Variants in PRR3 observed in about 807,000 individuals in gnomAD.
The protein encoded by PRR3 is proline-rich protein 3.
PRR3 carries 16 observed loss-of-function variants against 22.4 expected under a neutral mutation model. That is an observed-to-expected ratio of 0.71 (90% CI 0.48 to 1.09). PRR3 has a LOEUF of 1.09. Among genes scored for constraint, PRR3 ranks in the 50% least tolerant of loss-of-function variants. The pLI, the probability that PRR3 is intolerant of heterozygous loss-of-function variation, is 0.00. For missense variants in PRR3, 224 were observed against 243.4 expected (o/e 0.92, Z 0.53); for synonymous variants, 87 against 88.6 (o/e 0.98, Z 0.10).
intron 2 of PRR3, chr6:30,558,531 T>C: frequency 2.8e-6 from 1 of 352,438 alleles, no homozygotes; most frequent in South Asian, 3.9e-5. Context: ...ACTATGAATA[T>C]CAAGATTTGT....
At chr6:30,558,038 C>T (rs1800374770) in intron 1 of PRR3, 112 bp from the exon 2 acceptor site, 2 of 911,260 alleles carry the variant, frequency 2.2e-6, no homozygotes. Flanking sequence ...TGAAAATATA[C>T]CTGACTTTAC....
chr6:30,562,647 C>G lies in PRR3; in HGVS notation c.*152C>G. On this transcript the variant is annotated 3_prime_UTR_variant, in exon 4 of 4. Coordinates refer to ENST00000376560, the MANE Select transcript of PRR3 (RefSeq NM_025263.4). ...ATCCACCACTTCCCCCGTGTGGGGT[C>G]CAGAGTGGTGTTGCATCACTGGTGC... 8.2e-6 allele frequency: 5 copies of G among 609,948 alleles called. No homozygotes were observed. The highest frequency in any genetic ancestry group is 1.4e-5 in the Non-Finnish European group (5 of 344,838). 37.8% of individuals were successfully genotyped at this position (609,948 alleles called of 1,614,324 possible).
chr6:30,558,075 A>C lies in PRR3; in HGVS notation c.107-75A>C. 5 of 1,300,576 alleles carry C rather than the reference A, an allele frequency of 3.8e-6. No homozygotes were observed. In the South Asian group the frequency reaches 6.0e-5, roughly 16 times the overall value. 80.6% of individuals were successfully genotyped at this position (1,300,576 alleles called of 1,614,324 possible). ...GGTTGAATTAAGAAATAAGTAATAC[A>C]AGAAAAACACCTAAGAACAGAATCA... On this transcript the variant is annotated intron_variant, in intron 1 of 3. Coordinates refer to ENST00000376560, the MANE Select transcript of PRR3 (RefSeq NM_025263.4).
At chr6:30,560,251 G>T (rs917025854) in intron 2 of PRR3, 11 of 152,330 alleles carry the variant, frequency 7.2e-5, no homozygotes, top group African/African-American at 2.7e-4. Context: ...TGTAATCCCA[G>T]CTACTCGGGT....
Position 30,558,227 on chromosome 6 carries a change from G to A in PRR3, c.169+15G>A. On this transcript the variant is annotated intron_variant, in intron 2 of 3. Coordinates refer to ENST00000376560, the MANE Select transcript of PRR3 (RefSeq NM_025263.4). Reference sequence around the variant, plus strand: ...CCCTAAGTCAGGTGAGGAGGAAGGGGCCCTGATCCTTGTATTAGGTCGTAG... The same window carrying A: ...CCCTAAGTCAGGTGAGGAGGAAGGGACCCTGATCCTTGTATTAGGTCGTAG... 6.2e-7 allele frequency: 1 copy of A among 1,610,330 alleles called. No homozygotes were observed.
Position 30,561,955 on chromosome 6 carries a change from T to A in PRR3, c.291T>A (p.Tyr97Ter). The A allele has an allele frequency of 6.2e-7, 1 of 1,613,004 alleles. No homozygotes were observed. The highest frequency in any genetic ancestry group is 8.5e-7 in the Non-Finnish European group (1 of 1,180,010). Residue 97 changes from tyrosine (Y) to a stop codon, truncating the protein, a stop_gained, in exon 3 of 4, where the codon TAT becomes TAA. Coordinates refer to ENST00000376560, the MANE Select transcript of PRR3 (RefSeq NM_025263.4). LOFTEE classifies it high-confidence loss of function. The surrounding 1 kb of genome is among the most constrained non-coding windows in gnomAD (Gnocchi z 4.0). The stretch of plus-strand genomic sequence containing the variant: ...GGCTTGGCCCCAGGTCTAGCCCATA[T>A]GGTCGTGGTTGGTGGGGAGTCAATG... The part of the protein sequence containing the change: ...RRGLGPRSSP[Y>*]GRGWWGVNAE...
rs1800343014 is a variant in PRR3, at chr6:30,557,586, G to T, written c.106+136G>T. On this transcript the variant is annotated intron_variant, in intron 1 of 3. Transcript: ENST00000376560. ...CGCGCTGGGGAGGGATGGAAGTGGG[G>T]CTCTCCCAAATGGAGCCTTGAACCA... 2.0e-5 allele frequency: 13 copies of T among 639,276 alleles called. No individual in the cohort carries two copies. In the South Asian group the frequency reaches 2.2e-4, roughly 11 times the overall value. 39.6% of individuals were successfully genotyped at this position (639,276 alleles called of 1,614,324 possible).
In PRR3 at chr6:30,562,847, C is replaced by A; in HGVS notation, c.*352C>A. The A allele has an allele frequency of 5.0e-6, 1 of 198,050 alleles. No homozygotes were observed. Among genetic ancestry groups the A allele is most frequent in the Non-Finnish European group, 1.0e-5 (1 of 98,308 alleles). 12.3% of individuals were successfully genotyped at this position (198,050 alleles called of 1,614,324 possible). On this transcript the variant is annotated 3_prime_UTR_variant, in exon 4 of 4. Coordinates refer to ENST00000376560, the MANE Select transcript of PRR3 (RefSeq NM_025263.4). ...TGTCCACCTGTTCCCCAGTATTGCC[C>A]TCAATTCCTGAGAGCCCTGGAGCGG... is the stretch of plus-strand genomic sequence containing the variant.
At chr6:30,556,868 A>G, upstream of PRR3, 2 of 590,228 alleles carry the variant, frequency 3.4e-6, no homozygotes, top group Non-Finnish European at 6.0e-6. This position sits in a 1 kb window ranked among gnomAD's most constrained non-coding sequence, Gnocchi z 5.7. Context: ...CATAAGTGCA[A>G]AAGCGGGCGA....
chr6:30,557,502 G>T, intron 1 of PRR3, 52 bp downstream of exon 1: 2 of 1,277,434 alleles, frequency 1.6e-6, no homozygotes, highest in East Asian at 2.4e-5. Context: ...GTCCGGGCAA[G>T]GGGCTAGGGG....
chr6:30,556,790 T>G, upstream of PRR3: 2 of 454,694 alleles, frequency 4.4e-6, no homozygotes, highest in Non-Finnish European at 4.0e-6. This position sits in a 1 kb window ranked among gnomAD's most constrained non-coding sequence, Gnocchi z 5.7. Flanking sequence ...GGTCTGAGAG[T>G]CCTGGGTGCC....
rs539553509 is a variant in PRR3 at position 30,561,127 on chromosome 6, A to C, written c.170-707A>C. On this transcript the variant is annotated intron_variant, in intron 2 of 3. Coordinates refer to ENST00000376560, the MANE Select transcript of PRR3 (RefSeq NM_025263.4). This position sits in a 1 kb window ranked among gnomAD's most constrained non-coding sequence, Gnocchi z 4.0. ...AAACCTAACAATTCCAAGTGTTGTCAAGGCTATAGGACAACTGCTGGTGAG... is the reference window on the plus strand; with the variant it reads ...AAACCTAACAATTCCAAGTGTTGTCCAGGCTATAGGACAACTGCTGGTGAG... 4.0e-6 allele frequency: 1 copy of C among 250,790 alleles called. No homozygotes were observed. The highest frequency in any genetic ancestry group is 2.4e-5 in the African/African-American group (1 of 42,454). 15.5% of individuals were successfully genotyped at this position (250,790 alleles called of 1,614,324 possible).
chr6:30,561,836 C>T lies in PRR3; in HGVS notation c.172C>T (p.Leu58Phe). ...TCTCTCTCTCTCTCTCTCTCCAGCT[C>T]TTCACAGAGGTCCTCCAGGATCAAG... ...NGKPGDPKSA[L>F]HRGPPGSRGP... is the part of the protein sequence containing the mutation. Residue 58 changes from leucine to phenylalanine, a missense_variant and splice_region_variant, in exon 3 of 4, where the codon CTT becomes TTT. Transcript: ENST00000376560. This position sits in a 1 kb window ranked among gnomAD's most constrained non-coding sequence, Gnocchi z 4.0. 1 of 1,551,484 alleles carries T rather than the reference C, an allele frequency of 6.4e-7. No homozygotes were observed. The highest frequency in any genetic ancestry group is 8.7e-7 in the Non-Finnish European group (1 of 1,147,842).
At chr6:30,556,998 CCTCTT>C (rs915019464), upstream of PRR3, 84 of 668,452 alleles carry the variant, frequency 1.3e-4, no homozygotes, top group East Asian at 1.4e-3. This position sits in a 1 kb window ranked among gnomAD's most constrained non-coding sequence, Gnocchi z 5.7. Flanking sequence ...GTGCGACAGT[CCTCTT>C]CTCAGGCCCT....
chr6:30,559,676 C>A (rs1431996705), intron 2 of PRR3, among the ~76,000 whole-genome samples: 2 of 152,010 alleles, frequency 1.3e-5, no homozygotes, highest in Non-Finnish European at 2.9e-5. Context: ...TGTACTGCTG[C>A]TGGGATTATA....
intron 1 of PRR3, 107 bp from the exon 2 acceptor site, chr6:30,558,043 C>T: frequency 1.0e-6 from 1 of 958,218 alleles, no homozygotes; most frequent in Non-Finnish European, 1.7e-6. Flanking sequence ...ATATACCTGA[C>T]TTTACTGGTT....
chr6:30,559,236 G>C (rs144738356), intron 2 of PRR3, among the ~76,000 whole-genome samples: 4,373 of 152,254 alleles, frequency 0.029, 135 homozygotes, highest in African/African-American at 0.075. Context: ...AATTAGCCGG[G>C]CATGGTGGTG....
At chr6:30,560,503 G>A (rs1800556064) in intron 2 of PRR3, 1 of 152,104 alleles carries the variant, frequency 6.6e-6, no homozygotes, top group African/African-American at 2.4e-5. Flanking sequence ...AACTTTTGGA[G>A]GTCGGGCATG....
chr6:30,562,211 T>G lies in PRR3; in HGVS notation c.460+87T>G, dbSNP rs991633291. ...ACAATCTTCTCTGGGCTTTCCTTTT[T>G]GCTTTTGAAGCAGAAGTAGACCTCA... On this transcript the variant is annotated intron_variant, in intron 3 of 3. Transcript: ENST00000376560. 3.5e-6 allele frequency: 5 copies of G among 1,442,238 alleles called. No homozygotes were observed. In the African/African-American group the frequency reaches 7.1e-5, roughly 21 times the overall value. The allele number at this position is 1,442,238 out of a possible 1,614,324, so 89.3% of individuals were successfully genotyped here.
Sources: allele counts gnomAD v4.1 joint callset (sites outside exome capture counted in the v4.1 genomes callset), GRCh38; gene constraint gnomAD v4.1.1; non-coding constraint Gnocchi (gnomAD v3.1); transcripts MANE v1.5; gene names NCBI Gene and HGNC (gene_info 2026-07-23, HGNC 2026-07-21).